Variants in USP48 observed in about 807,000 individuals in gnomAD.
USP48 encodes ubiquitin carboxyl-terminal hydrolase 48.
Under a neutral mutation model 150.7 loss-of-function variants are expected in USP48, and 43 were observed. The observed-to-expected ratio is 0.29, with a 90% CI of 0.22 to 0.37. The LOEUF (loss-of-function observed/expected upper bound fraction) is 0.37. Ranked by LOEUF, USP48 falls within the 10% of genes least tolerant of loss-of-function variation. USP48 has a pLI of 1.00. For missense variants in USP48, 813 were observed against 1,249.6 expected, an observed-to-expected ratio of 0.65 and a Z score of 5.27; for synonymous variants, 396 against 425.9, an observed-to-expected ratio of 0.93 and a Z score of 0.86.
intron 14 of USP48, among the ~76,000 whole-genome samples, chr1:21,719,944 T>C (rs892379222): frequency 9.2e-5 from 14 of 152,010 alleles, no homozygotes; most frequent in African/African-American, 3.4e-4. Flanking sequence ...ACAAATGATA[T>C]GAAATGCTTG....
At position 21,703,631 on chromosome 1, in the gene USP48, A is replaced by G; in HGVS notation, c.2516-13T>C. On this transcript the variant is annotated splice_polypyrimidine_tract_variant and intron_variant, in intron 20 of 26. Coordinates refer to ENST00000308271, the MANE Select transcript of USP48 (RefSeq NM_032236.8). Reference sequence around the variant, plus strand: ...TCTGGACAGAGTTCTTTGGGGGAAAAAAAAAAAGGGAAAACAGAAGTGGCT... The same window carrying G: ...TCTGGACAGAGTTCTTTGGGGGAAAGAAAAAAAGGGAAAACAGAAGTGGCT... 1.3e-6 allele frequency: 2 copies of G among 1,569,164 alleles called. No individual in the cohort carries two copies. The highest frequency in any genetic ancestry group is 8.6e-7 in the Non-Finnish European group (1 of 1,159,094).
intron 14 of USP48, among the ~76,000 whole-genome samples, chr1:21,716,465 G>C (rs958788888): frequency 1.3e-5 from 2 of 152,166 alleles, no homozygotes; most frequent in Non-Finnish European, 2.9e-5. Flanking sequence ...ACTCAGAACA[G>C]TGTGAAATTT....
At chr1:21,779,985 C>A (rs2097910518) in intron 1 of USP48, among the ~76,000 whole-genome samples, 2 of 152,182 alleles carry the variant, frequency 1.3e-5, no homozygotes, top group Admixed American at 1.3e-4. Flanking sequence ...TAAATCGGTA[C>A]AACCACTGTG....
intron 15 of USP48, among the ~76,000 whole-genome samples, chr1:21,710,838 C>T (rs1490215380): frequency 6.6e-6 from 1 of 151,900 alleles, no homozygotes; most frequent in African/African-American, 2.4e-5. Context: ...GACAGGATCT[C>T]ACTCTGTCAC....
chr1:21,748,285 A>C lies in USP48; in HGVS notation c.775-14T>G. ...TAATTTTTCTTCCTGATCAAGAATA[A>C]GACATATTAATTTTAAAAAGAAGAT... On this transcript the variant is annotated splice_polypyrimidine_tract_variant and intron_variant, in intron 6 of 26. Transcript: ENST00000308271. The C allele has an allele frequency of 6.3e-7, 1 of 1,596,654 alleles. No homozygotes were observed. Among genetic ancestry groups the C allele is most frequent in the Non-Finnish European group, 8.5e-7 (1 of 1,172,420 alleles).
chr1:21,775,413 C>T lies in USP48; in HGVS notation c.134+7411G>A, dbSNP rs563803382. On this transcript the variant is annotated intron_variant, in intron 1 of 26. Coordinates refer to ENST00000308271, the MANE Select transcript of USP48 (RefSeq NM_032236.8). ...AGTAGCTGGAATTACAGGTGTATGC[C>T]GCCACCATGCCCGGCTAATTTAGTA... Among the ~76,000 whole-genome samples, 6 of 152,212 alleles carry T rather than the reference C, an allele frequency of 3.9e-5. No individual in the cohort carries two copies. In the East Asian group the frequency reaches 7.7e-4, roughly 20 times the overall value.
intron 22 of USP48, among the ~76,000 whole-genome samples, chr1:21,700,873 AC>A (rs1013195376): frequency 2.0e-5 from 3 of 151,932 alleles, no homozygotes; most frequent in Non-Finnish European, 2.9e-5. Context: ...GGAGTTCAAG[AC>A]CAGCCTAGGT....
intron 1 of USP48, among the ~76,000 whole-genome samples, chr1:21,765,566 G>A (rs1245463677): frequency 4.7e-5 from 7 of 150,320 alleles, no homozygotes; most frequent in African/African-American, 1.5e-4. Context: ...GCAGTGAGCC[G>A]AGATCACGCC....
At chr1:21,746,639 G>C (rs1462463723) in intron 8 of USP48, among the ~76,000 whole-genome samples, 1 of 152,056 alleles carries the variant, frequency 6.6e-6, no homozygotes. Flanking sequence ...TTGCAGATAT[G>C]AAAAATGAAA....
intron 1 of USP48, among the ~76,000 whole-genome samples, chr1:21,760,651 G>C (rs567187320): frequency 6.6e-6 from 1 of 152,114 alleles, no homozygotes; most frequent in African/African-American, 2.4e-5. Context: ...GAAGGCGGGA[G>C]GGTGCAGTGA....
Position 21,701,530 on chromosome 1 carries a change from G to T in USP48, c.2695C>A (p.Pro899Thr), listed in dbSNP as rs776393058. ...AAATCTGGATCTTTTTCTCCATCTGGTTTAGCTTCTTCCTTGTCCTCCTCT... is the reference window on the plus strand; with the variant it reads ...AAATCTGGATCTTTTTCTCCATCTGTTTTAGCTTCTTCCTTGTCCTCCTCT... The part of the protein sequence containing the change: ...ETEEDKEEAK[P>T]DGEKDPDFNQ... Residue 899 changes from proline to threonine, a missense_variant, in exon 22 of 27, where the codon CCA becomes ACA. By Grantham distance (38) the Pro-to-Thr change is conservative (BLOSUM62 -1). Transcript: ENST00000308271. The T allele has an allele frequency of 6.2e-7, 1 of 1,613,978 alleles. No homozygotes were observed. The highest frequency in any genetic ancestry group is 1.7e-5 in the Admixed American group (1 of 59,992).
chr1:21,773,881 T>C (rs889770282), intron 1 of USP48, among the ~76,000 whole-genome samples: 4 of 152,124 alleles, frequency 2.6e-5, no homozygotes, highest in African/African-American at 9.7e-5. Flanking sequence ...CTCACACCTG[T>C]AATCCCAGCA....
At chr1:21,705,357 C>T (rs1351245051) in intron 19 of USP48, among the ~76,000 whole-genome samples, 1 of 152,178 alleles carries the variant, frequency 6.6e-6, no homozygotes, top group African/African-American at 2.4e-5. Flanking sequence ...CTGCTAGCCT[C>T]CTCCTTTAAT....
chr1:21,730,163 G>A (rs763148006), intron 9 of USP48, among the ~76,000 whole-genome samples: 24 of 152,074 alleles, frequency 1.6e-4, no homozygotes, highest in Non-Finnish European at 3.4e-4. Context: ...AACTGAAGCC[G>A]GGCACAGTGG....
At chr1:21,715,526 T>G in intron 14 of USP48, 69 bp from the exon 15 acceptor site, 5 of 985,548 alleles carry the variant, frequency 5.1e-6, no homozygotes, top group African/African-American at 3.3e-5. Flanking sequence ...GTAGCAGATA[T>G]ACTACTCTGC....
intron 1 of USP48, among the ~76,000 whole-genome samples, chr1:21,775,321 G>A (rs2097895079): frequency 6.6e-6 from 1 of 152,094 alleles, no homozygotes; most frequent in Admixed American, 6.6e-5. Flanking sequence ...GCGTGCAGTG[G>A]CTCAATCTTG....
chr1:21,716,778 C>A (rs1011862172), intron 14 of USP48, among the ~76,000 whole-genome samples: 3 of 152,164 alleles, frequency 2.0e-5, no homozygotes, highest in Admixed American at 2.0e-4. Flanking sequence ...CCTGTAATAC[C>A]AGCACTTTGG....
rs1391016179 is a variant in USP48, at chr1:21,767,924, C to A, written c.135-10141G>T. 1.3e-5 allele frequency among the ~76,000 whole-genome samples: 2 copies of A among 152,038 alleles called. 1 individual carries two copies. Among genetic ancestry groups the A allele is most frequent in the Non-Finnish European group, 2.9e-5 (2 of 68,002 alleles). ...TGCAAGAAATAAGCAAATCTAAAAA[C>A]AGGTCAGGCATGGTGGCTCACGCCT... On this transcript the variant is annotated intron_variant, in intron 1 of 26. Transcript: ENST00000308271.
intron 13 of USP48, among the ~76,000 whole-genome samples, chr1:21,721,436 C>T (rs1557495424): frequency 6.6e-6 from 1 of 152,194 alleles, no homozygotes; most frequent in Non-Finnish European, 1.5e-5. Context: ...GGATGGAATA[C>T]AGTGGCAAAG....
Sources: allele counts gnomAD v4.1 joint callset (sites outside exome capture counted in the v4.1 genomes callset), GRCh38; gene constraint gnomAD v4.1.1; transcripts MANE v1.5; gene names NCBI Gene and HGNC (gene_info 2026-07-23, HGNC 2026-07-21).